Variants in GRIK2 observed in about 807,000 individuals in gnomAD.
The protein encoded by GRIK2 is glutamate receptor ionotropic, kainate 2.
A neutral mutation model predicts 100.3 loss-of-function variants in GRIK2; 32 were observed. The observed-to-expected ratio is 0.32, with a 90% CI of 0.24 to 0.43. The LOEUF is 0.43. Among genes scored for constraint, GRIK2 ranks in the 20% least tolerant of loss-of-function variants. The pLI, the probability that GRIK2 is intolerant of heterozygous loss-of-function variation, is 1.00. For synonymous variants in GRIK2, 417 were observed against 389.4 expected, an observed-to-expected ratio of 1.07 and a Z score of -0.83; for missense variants, 843 against 1,114.9, an observed-to-expected ratio of 0.76 and a Z score of 3.47.
At chr6:101,828,053 T>A (rs1021330229) in intron 10 of GRIK2, among the ~76,000 whole-genome samples, 20 of 151,952 alleles carry the variant, frequency 1.3e-4, no homozygotes, top group Non-Finnish European at 4.4e-5. Flanking sequence ...CAATAAGTTT[T>A]AAAAAACTGA....
chr6:102,011,751 A>AT (rs1031278989), intron 14 of GRIK2, among the ~76,000 whole-genome samples: 20 of 150,478 alleles, frequency 1.3e-4, no homozygotes, highest in East Asian at 5.9e-4. Flanking sequence ...CGCCCGGCTA[A>AT]TTTTTTTTGT....
chr6:101,946,065 C>A (rs1042870315), intron 14 of GRIK2, among the ~76,000 whole-genome samples: 59 of 151,520 alleles, frequency 3.9e-4, no homozygotes, highest in Admixed American at 3.8e-3. Context: ...ATTTTACATA[C>A]CCTAATTGTT....
chr6:101,674,243 TCA>T (rs1770659443), intron 4 of GRIK2, among the ~76,000 whole-genome samples: 1 of 152,160 alleles, frequency 6.6e-6, no homozygotes, highest in Admixed American at 6.6e-5. Context: ...ACCAAGAAGG[TCA>T]TCTGGGAAGA....
intron 12 of GRIK2, chr6:101,891,456 G>T (rs994224581): frequency 3.1e-6 from 1 of 320,064 alleles, no homozygotes; most frequent in African/African-American, 2.4e-5. Flanking sequence ...GGTGGAGGTT[G>T]CAGTAAGCCG....
chr6:101,536,094 T>G (rs1775676468), intron 2 of GRIK2, among the ~76,000 whole-genome samples: 1 of 151,764 alleles, frequency 6.6e-6, no homozygotes, highest in Non-Finnish European at 1.5e-5. Context: ...TTAATTCAAT[T>G]TCCCATTTGT....
chr6:102,035,315 G>T lies in GRIK2; in HGVS notation c.2086-26G>T. Reference sequence around the variant, plus strand: ...GGAAACTAAAGAATAACTTTCTCGTGACCAACTTATATTTATTTTCTTCAG... The same window carrying T: ...GGAAACTAAAGAATAACTTTCTCGTTACCAACTTATATTTATTTTCTTCAG... On this transcript the variant is annotated intron_variant, in intron 14 of 16. Coordinates refer to ENST00000369134, the MANE Select transcript of GRIK2 (RefSeq NM_021956.5). The T allele has an allele frequency of 2.9e-6, 4 of 1,380,400 alleles. No homozygotes were observed. In the South Asian group the frequency reaches 4.7e-5, roughly 16 times the overall value. 85.5% of individuals were successfully genotyped at this position (1,380,400 alleles called of 1,614,324 possible).
At chr6:101,967,845 T>C (rs1348717149) in intron 14 of GRIK2, among the ~76,000 whole-genome samples, 2 of 152,036 alleles carry the variant, frequency 1.3e-5, no homozygotes, top group African/African-American at 4.8e-5. Flanking sequence ...ATCTTAGTCA[T>C]TGCTCTCACT....
intron 10 of GRIK2, among the ~76,000 whole-genome samples, chr6:101,846,822 AC>A (rs1157738034): frequency 1.3e-5 from 2 of 151,838 alleles, no homozygotes; most frequent in African/African-American, 2.4e-5. Flanking sequence ...TCTCTTGTAA[AC>A]TTTTTATATC....
intron 6 of GRIK2, 82 bp downstream of exon 6, chr6:101,682,688 G>A: frequency 1.5e-6 from 1 of 656,542 alleles, no homozygotes; most frequent in African/African-American, 1.8e-5. Flanking sequence ...TTAGTAAGAA[G>A]TATTATGACT....
At chr6:101,514,270 T>C (rs1427704130) in intron 2 of GRIK2, among the ~76,000 whole-genome samples, 1 of 151,860 alleles carries the variant, frequency 6.6e-6, no homozygotes, top group Non-Finnish European at 1.5e-5. Context: ...ACAAGTGATA[T>C]GGCTCCAACG....
intron 2 of GRIK2, among the ~76,000 whole-genome samples, chr6:101,535,423 T>A (rs547092540): frequency 2.6e-4 from 39 of 151,930 alleles, no homozygotes; most frequent in Middle Eastern, 3.4e-3. Context: ...TTCCTGTCCA[T>A]GTTAGATAAC....
intron 12 of GRIK2, among the ~76,000 whole-genome samples, chr6:101,923,924 C>CAAA (rs1562489944): frequency 8.9e-6 from 1 of 112,190 alleles, no homozygotes; most frequent in African/African-American, 4.2e-5. Flanking sequence ...GATTCTGTCT[C>CAAA]CAAAAAAAAA....
chr6:101,752,055 G>GA (rs1337692571), intron 7 of GRIK2, among the ~76,000 whole-genome samples: 3 of 151,830 alleles, frequency 2.0e-5, no homozygotes, highest in Non-Finnish European at 4.4e-5. Context: ...ATGTAGAAAA[G>GA]AAAAAAATAA....
intron 12 of GRIK2, among the ~76,000 whole-genome samples, chr6:101,903,235 T>C (rs1454072469): frequency 6.6e-6 from 1 of 151,898 alleles, no homozygotes; most frequent in African/African-American, 2.4e-5. Flanking sequence ...TGGCTTTCTT[T>C]TATCTGAGCT....
intron 1 of GRIK2, among the ~76,000 whole-genome samples, chr6:101,397,224 G>C (rs1247140942): frequency 2.0e-5 from 3 of 152,072 alleles, no homozygotes; most frequent in Non-Finnish European, 4.4e-5. Context: ...AGTTATATTG[G>C]CAGATAAAAA....
rs1554258373 is a variant in GRIK2 at position 101,753,297 on chromosome 6, A to AAAAAAG, written c.952-46346_952-46341dup. On this transcript the variant is annotated intron_variant, in intron 7 of 16. Transcript: ENST00000369134. ...GACTCCGTCTCAAAAAAAAAAAAAAAAAAAAGAAAATAACACGATCACCAT... is the reference window on the plus strand; with the variant it reads ...GACTCCGTCTCAAAAAAAAAAAAAAAAAAAAGAAAAAGAAAATAACACGATCACCAT... Among the ~76,000 whole-genome samples the AAAAAAG allele has an allele frequency of 4.3e-4, 64 of 147,306 alleles. 1 individual carries two copies. Among genetic ancestry groups the AAAAAAG allele is most frequent in the African/African-American group, 6.0e-4 (23 of 38,320 alleles).
chr6:101,764,329 A>G (rs1777914364), intron 7 of GRIK2, among the ~76,000 whole-genome samples: 1 of 152,116 alleles, frequency 6.6e-6, no homozygotes, highest in Non-Finnish European at 1.5e-5. Flanking sequence ...CTTCCGTGAC[A>G]TCTTCCTGAA....
intron 2 of GRIK2, among the ~76,000 whole-genome samples, chr6:101,400,929 T>C (rs1775271249): frequency 6.6e-6 from 1 of 152,212 alleles, no homozygotes; most frequent in Non-Finnish European, 1.5e-5. Context: ...TCCACAGGAA[T>C]GATTGTTTCT....
chr6:101,767,125 G>T (rs146273540), intron 7 of GRIK2, among the ~76,000 whole-genome samples: 29 of 152,284 alleles, frequency 1.9e-4, no homozygotes, highest in East Asian at 9.6e-4. Context: ...GAATTCAGAA[G>T]AAATAACTGC....
Sources: allele counts gnomAD v4.1 joint callset (sites outside exome capture counted in the v4.1 genomes callset), GRCh38; gene constraint gnomAD v4.1.1; transcripts MANE v1.5; gene names NCBI Gene and HGNC (gene_info 2026-07-23, HGNC 2026-07-21).